LBR: variants seen among roughly 807,000 people sequenced by gnomAD.
LBR encodes lamin B receptor.
In LBR, 28 loss-of-function variants were observed where a neutral mutation model predicts 74.3. That is an observed-to-expected ratio of 0.38 (90% confidence interval 0.28 to 0.52). The LOEUF (loss-of-function observed/expected upper bound fraction) is 0.52, where lower values mean the gene tolerates loss of function less well. Among genes scored for constraint, LBR ranks in the 20% least tolerant of loss-of-function variants. The pLI is 0.89. For missense variants in LBR, 717 were observed against 760.3 expected (o/e 0.94, Z 0.67); for synonymous variants, 228 against 269.3 (o/e 0.85, Z 1.50).
In LBR at chr1:225,412,564, T is replaced by A; in HGVS notation, c.974A>T (p.His325Leu). 1 of 1,612,294 alleles carries A rather than the reference T, an allele frequency of 6.2e-7. No homozygotes were observed. Among genetic ancestry groups the A allele is most frequent in the South Asian group, 1.1e-5 (1 of 91,044 alleles). ...QGVEFHYVYS[H>L]FLQFALAATV... ...GGCCGCAAGTGCAAACTGAAGAAAA[T>A]GACTGTACACGTAATGAAACTCTAC... Residue 325 changes from histidine to leucine, a missense_variant, in exon 8 of 14, where the codon CAT becomes CTT. His to Leu is a moderately conservative substitution (Grantham distance 99). Coordinates refer to ENST00000272163, the MANE Select transcript of LBR (RefSeq NM_002296.4).
chr1:225,419,962 A>G (rs1266238216), intron 3 of LBR, among the ~76,000 whole-genome samples, 164 bp from the exon 4 acceptor site: 3 of 152,204 alleles, frequency 2.0e-5, no homozygotes, highest in Admixed American at 6.5e-5. Context: ...AAAAGGAATA[A>G]AACTGACTAG....
intron 1 of LBR, among the ~76,000 whole-genome samples, chr1:225,427,180 A>G (rs965309676): frequency 5.9e-5 from 9 of 152,298 alleles, no homozygotes; most frequent in African/African-American, 2.2e-4. Context: ...CGCCTTCAAC[A>G]AAGCCCTCCG....
At position 225,403,014 on chromosome 1, in the gene LBR, T is replaced by G; in HGVS notation, c.*289A>C. ...CATCAATAGCATTCTTCACAGTACA[T>G]TTATATTAAGACTGTCTTCTGTTTT... On this transcript the variant is annotated 3_prime_UTR_variant, in exon 14 of 14. Coordinates refer to ENST00000272163, the MANE Select transcript of LBR (RefSeq NM_002296.4). The G allele has an allele frequency of 7.8e-6, 3 of 385,722 alleles. No individual in the cohort carries two copies. Among genetic ancestry groups the G allele is most frequent in the Admixed American group, 4.2e-5 (1 of 24,088 alleles). 23.9% of individuals were successfully genotyped at this position (385,722 alleles called of 1,614,324 possible).
At chr1:225,403,879 C>T (rs569290612) in intron 13 of LBR, among the ~76,000 whole-genome samples, 86 of 126,634 alleles carry the variant, frequency 6.8e-4, no homozygotes, top group African/African-American at 2.4e-3. Context: ...GTTCCCCCAG[C>T]TCCCCCAGCT....
chr1:225,404,687 G>A lies in LBR; in HGVS notation c.1503C>T (p.Phe501=). ...IVLKLCGYVI[F]RGANSQKNAF... is the part of the protein sequence containing the mutation. ...CATTTTTCTGAGAATTTGCACCTCG[G>A]AAGATTACATAACCACAAACTGCAA... Residue 501 remains phenylalanine, a synonymous_variant, in exon 12 of 14, where the codon TTC becomes TTT. Transcript: ENST00000272163. 6.2e-7 allele frequency: 1 copy of A among 1,610,358 alleles called. No individual in the cohort carries two copies. The highest frequency in any genetic ancestry group is 8.5e-7 in the Non-Finnish European group (1 of 1,178,226).
At chr1:225,411,781 C>T (rs1047011103) in intron 8 of LBR, among the ~76,000 whole-genome samples, 4 of 152,186 alleles carry the variant, frequency 2.6e-5, no homozygotes, top group African/African-American at 9.6e-5. Flanking sequence ...TCAGCATCAA[C>T]CAATTTGTAA....
At chr1:225,415,022 G>A (rs545793900) in intron 7 of LBR, among the ~76,000 whole-genome samples, 1 of 152,320 alleles carries the variant, frequency 6.6e-6, no homozygotes, top group South Asian at 2.1e-4. Flanking sequence ...TCCTAGACAA[G>A]TGCAATGATT....
chr1:225,428,351 C>T (rs1046904580), upstream of LBR, among the ~76,000 whole-genome samples: 2 of 152,190 alleles, frequency 1.3e-5, no homozygotes, highest in Non-Finnish European at 2.9e-5. Context: ...GCCCTCGCAG[C>T]ACACGGAGCC....
intron 11 of LBR, among the ~76,000 whole-genome samples, chr1:225,405,947 T>A (rs2096090575): frequency 6.6e-6 from 1 of 152,166 alleles, no homozygotes; most frequent in South Asian, 2.1e-4. Context: ...CAACCTCTAG[T>A]ATAAGTGTTT....
Position 225,422,265 on chromosome 1 carries a change from A to C in LBR, c.178T>G (p.Phe60Val). ...KENDIKPLTS[F>V]RQRKGGSTSS... ...GTTGAGCCACCTTTCCTTTGCCTAAAGGAAGTTAAAGGCTAGAAAGGGGGA... is the reference window on the plus strand; with the variant it reads ...GTTGAGCCACCTTTCCTTTGCCTAACGGAAGTTAAAGGCTAGAAAGGGGGA... Residue 60 changes from phenylalanine (F) to valine (V), a missense_variant, in exon 3 of 14, where the codon TTT becomes GTT. Coordinates refer to ENST00000272163, the MANE Select transcript of LBR (RefSeq NM_002296.4). 1 of 1,613,474 alleles carries C rather than the reference A, an allele frequency of 6.2e-7. No individual in the cohort carries two copies. Among genetic ancestry groups the C allele is most frequent in the Non-Finnish European group, 8.5e-7 (1 of 1,179,968 alleles).
At chr1:225,423,644 A>G (rs1361558961) in intron 2 of LBR, among the ~76,000 whole-genome samples, 1 of 152,206 alleles carries the variant, frequency 6.6e-6, no homozygotes, top group African/African-American at 2.4e-5. Flanking sequence ...CACCACCCAC[A>G]GCAAACTCCA....
chr1:225,414,029 T>C (rs535322334), intron 7 of LBR: 25 of 456,624 alleles, frequency 5.5e-5, no homozygotes, highest in African/African-American at 4.8e-4. Context: ...ACAACCCACC[T>C]CACCCCAGAC....
chr1:225,416,601 T>C (rs930139434), intron 6 of LBR, among the ~76,000 whole-genome samples: 5 of 152,068 alleles, frequency 3.3e-5, no homozygotes, highest in African/African-American at 1.2e-4. Flanking sequence ...ATTAAAGGAG[T>C]CTAGTAAATG....
chr1:225,410,442 G>C, intron 9 of LBR, 26 bp from the exon 10 acceptor site: 1 of 1,612,950 alleles, frequency 6.2e-7, no homozygotes, highest in Non-Finnish European at 8.5e-7. Context: ...AAAGTATATA[G>C]CCTCAAAGCA....
Position 225,411,398 on chromosome 1 carries a change from G to C in LBR, c.1127C>G (p.Pro376Arg), listed in dbSNP as rs778014876. 37 of 1,614,010 alleles carry C rather than the reference G, an allele frequency of 2.3e-5. No individual in the cohort carries two copies. Among genetic ancestry groups the C allele is most frequent in the Non-Finnish European group, 3.0e-5 (35 of 1,179,952 alleles). Residue 376 changes from proline to arginine, a missense_variant, in exon 9 of 14, where the codon CCT becomes CGT. Transcript: ENST00000272163. ...TTTGAGATCAAAAGTACCAATTCGA[G>C]GGTTTAATTCACGGCCAATGAAGAA... ...YDFFIGRELNPRIGTFDLKYF... is the reference protein window; with the variant it reads ...YDFFIGRELNRRIGTFDLKYF...
At chr1:225,412,701 T>C in intron 7 of LBR, 56 bp from the exon 8 acceptor site, 2 of 1,463,564 alleles carry the variant, frequency 1.4e-6, no homozygotes, top group South Asian at 1.2e-5. Context: ...AAGGCTCACA[T>C]GAAACTTACG....
intron 10 of LBR, among the ~76,000 whole-genome samples, chr1:225,409,495 A>C (rs1168824392): frequency 6.6e-6 from 1 of 152,214 alleles, no homozygotes; most frequent in Non-Finnish European, 1.5e-5. Flanking sequence ...CAAAGAGAAA[A>C]GGTCTTCTCT....
At chr1:225,425,047 C>G (rs1003850984) in intron 1 of LBR, among the ~76,000 whole-genome samples, 1 of 152,210 alleles carries the variant, frequency 6.6e-6, no homozygotes, top group African/African-American at 2.4e-5. Context: ...CCCAAATCAC[C>G]TTCATTTCAC....
chr1:225,414,929 A>G (rs1267005660), intron 7 of LBR, among the ~76,000 whole-genome samples: 1 of 152,264 alleles, frequency 6.6e-6, no homozygotes, highest in East Asian at 1.9e-4. Flanking sequence ...GACAACCCAG[A>G]GGACATGAGC....
Sources: gnomAD v4.1 joint callset for allele counts (sites outside exome capture counted in the v4.1 genomes callset) on GRCh38, gnomAD v4.1.1 for gene constraint, MANE v1.5 for transcripts, NCBI Gene and HGNC (gene_info 2026-07-23, HGNC 2026-07-21) for gene names.